The following SLC10A7 variants were observed in gnomAD, a reference collection of about 807,000 sequenced individuals.
The protein encoded by SLC10A7 is solute carrier family 10 member 7, also known as sodium/bile acid cotransporter 7.
In SLC10A7, 29 loss-of-function variants were observed where a neutral mutation model predicts 43.2. The observed-to-expected ratio is 0.67, with a 90% confidence interval of 0.50 to 0.92. SLC10A7 has a LOEUF of 0.92. Among genes scored for constraint, SLC10A7 ranks in the 40% least tolerant of loss-of-function variants. The pLI, the probability that SLC10A7 is intolerant of heterozygous loss-of-function variation, is 0.00. For synonymous variants in SLC10A7, 152 were observed against 144.8 expected, an observed-to-expected ratio of 1.05 and a Z score of -0.35; for missense variants, 295 against 403.2, an observed-to-expected ratio of 0.73 and a Z score of 2.30.
chr4:146,442,276 A>T, intron 5 of SLC10A7: 1 of 979,022 alleles, frequency 1.0e-6, no homozygotes, highest in Non-Finnish European at 1.2e-6. Flanking sequence ...TTACTTGCAA[A>T]TTACTCATTA....
intron 3 of SLC10A7, among the ~76,000 whole-genome samples, chr4:146,506,305 A>C (rs1249836503): frequency 3.3e-5 from 5 of 152,328 alleles, no homozygotes; most frequent in Middle Eastern, 3.4e-3. Context: ...TATATCTTCT[A>C]TGAGTAAAAT....
chr4:146,489,387 CA>C (rs985797123), intron 4 of SLC10A7, among the ~76,000 whole-genome samples: 11 of 152,196 alleles, frequency 7.2e-5, no homozygotes, highest in African/African-American at 2.7e-4. Flanking sequence ...TAAGCCTAGA[CA>C]AATTTCTTAG....
chr4:146,471,209 T>C (rs573193074), intron 4 of SLC10A7, among the ~76,000 whole-genome samples: 4 of 152,284 alleles, frequency 2.6e-5, no homozygotes, highest in African/African-American at 9.6e-5. Context: ...ATGTTGCCAT[T>C]CAAAATGTTT....
At chr4:146,467,532 T>C (rs899634325) in intron 4 of SLC10A7, among the ~76,000 whole-genome samples, 1 of 150,912 alleles carries the variant, frequency 6.6e-6, no homozygotes, top group African/African-American at 2.4e-5. Flanking sequence ...CCTTAGCATG[T>C]TTTTTTGCCC....
intron 4 of SLC10A7, among the ~76,000 whole-genome samples, chr4:146,498,639 C>T (rs781151880): frequency 2.0e-5 from 3 of 152,090 alleles, no homozygotes; most frequent in Admixed American, 6.5e-5. Context: ...ATGTAAAAGC[C>T]ACAAAAGAAG....
At chr4:146,290,432 C>T (rs1395273173) in intron 9 of SLC10A7, among the ~76,000 whole-genome samples, 3 of 151,178 alleles carry the variant, frequency 2.0e-5, no homozygotes, top group East Asian at 2.0e-4. Context: ...CAGACAAATT[C>T]GAAGTAAATC....
intron 7 of SLC10A7, among the ~76,000 whole-genome samples, chr4:146,298,313 C>T (rs1730922400): frequency 6.6e-6 from 1 of 152,192 alleles, no homozygotes; most frequent in Non-Finnish European, 1.5e-5. Context: ...GTACACCTCA[C>T]TGTTACTTTT....
chr4:146,294,933 C>T (rs918475457), intron 7 of SLC10A7, among the ~76,000 whole-genome samples: 1 of 152,048 alleles, frequency 6.6e-6, no homozygotes, highest in Non-Finnish European at 1.5e-5. Context: ...ATCATAAGGA[C>T]GATAGCTGAG....
intron 7 of SLC10A7, among the ~76,000 whole-genome samples, chr4:146,305,582 G>GAA (rs11380240): frequency 1.1e-4 from 16 of 147,504 alleles, no homozygotes; most frequent in African/African-American, 1.7e-4. Flanking sequence ...AATAATAAAA[G>GAA]AAAAAAAAAC....
At chr4:146,511,408 TA>T (rs1219477301) in intron 2 of SLC10A7, among the ~76,000 whole-genome samples, 1 of 152,264 alleles carries the variant, frequency 6.6e-6, no homozygotes, top group Non-Finnish European at 1.5e-5. Context: ...GCCAGAGAGT[TA>T]CTGGTTGTAA....
chr4:146,327,472 G>T (rs1400075467), intron 5 of SLC10A7, among the ~76,000 whole-genome samples: 1 of 152,110 alleles, frequency 6.6e-6, no homozygotes, highest in Non-Finnish European at 1.5e-5. Context: ...TCAATGACTT[G>T]TACTAAGTTC....
In SLC10A7 at chr4:146,517,034, G is replaced by C. The variant is rs865815062; in HGVS notation, c.183+4C>G. On this transcript the variant is annotated splice_donor_region_variant and intron_variant, in intron 2 of 11. Transcript: ENST00000335472. ...CTTTTCATGTGTCCCATAGATGACAGTACCTCTGTTTTCAATGATAGTCCA... is the reference window on the plus strand; with the variant it reads ...CTTTTCATGTGTCCCATAGATGACACTACCTCTGTTTTCAATGATAGTCCA... 5 of 1,589,060 alleles carry C rather than the reference G, an allele frequency of 3.1e-6. No individual in the cohort carries two copies. In the Middle Eastern group the frequency reaches 8.4e-4, roughly 266 times the overall value.
At chr4:146,310,212 C>G (rs1477285662) in intron 6 of SLC10A7, among the ~76,000 whole-genome samples, 2 of 152,072 alleles carry the variant, frequency 1.3e-5, no homozygotes, top group African/African-American at 4.8e-5. Flanking sequence ...TTTTCTTTAT[C>G]TAATCCACTG....
intron 7 of SLC10A7, 57 bp from the exon 8 acceptor site, chr4:146,294,152 G>C: frequency 7.4e-7 from 1 of 1,358,260 alleles, no homozygotes; most frequent in Non-Finnish European, 1.0e-6. Context: ...AGTTGAAATG[G>C]GCATCACAAA....
At chr4:146,416,203 C>G (rs1728551132) in intron 5 of SLC10A7, among the ~76,000 whole-genome samples, 1 of 145,898 alleles carries the variant, frequency 6.9e-6, no homozygotes, top group Non-Finnish European at 1.5e-5. Flanking sequence ...ACAGCAGTCA[C>G]TTAGTGTGGA....
chr4:146,332,761 A>G (rs1158681920), intron 5 of SLC10A7, among the ~76,000 whole-genome samples: 1 of 152,198 alleles, frequency 6.6e-6, no homozygotes, highest in Non-Finnish European at 1.5e-5. Context: ...GCTTGTCAAG[A>G]AAACTTTTAG....
intron 5 of SLC10A7, among the ~76,000 whole-genome samples, chr4:146,376,778 A>G (rs1367159331): frequency 2.6e-5 from 4 of 152,228 alleles, no homozygotes; most frequent in African/African-American, 9.6e-5. Context: ...CCGCGACTGT[A>G]TATTGAACAA....
intron 4 of SLC10A7, among the ~76,000 whole-genome samples, chr4:146,501,452 T>C (rs1736411063): frequency 6.6e-6 from 1 of 152,194 alleles, no homozygotes; most frequent in African/African-American, 2.4e-5. Context: ...GCCAATTTAA[T>C]GTGAGCAGAA....
At chr4:146,327,592 A>G (rs574719665) in intron 5 of SLC10A7, among the ~76,000 whole-genome samples, 3 of 152,382 alleles carry the variant, frequency 2.0e-5, no homozygotes, top group Non-Finnish European at 4.4e-5. Context: ...GTTTAAACAT[A>G]TAATTAAACA....
Sources: gnomAD v4.1 joint callset for allele counts (sites outside exome capture counted in the v4.1 genomes callset) on GRCh38, gnomAD v4.1.1 for gene constraint, MANE v1.5 for transcripts, NCBI Gene and HGNC (gene_info 2026-07-23, HGNC 2026-07-21) for gene names.